The following FRMD6 variants were observed in gnomAD, a reference collection of about 807,000 sequenced individuals.
The protein encoded by FRMD6 is FERM domain containing 6.
FRMD6 carries 37 observed loss-of-function variants against 73.2 expected under a neutral mutation model. That is an observed-to-expected ratio of 0.51 (90% CI 0.39 to 0.66). The LOEUF (loss-of-function observed/expected upper bound fraction) is 0.66, where lower values mean the gene tolerates loss of function less well. FRMD6 is among the 30% of genes least tolerant of loss of function. FRMD6 has a pLI of 0.00. For synonymous variants in FRMD6, 273 were observed against 282.2 expected (o/e 0.97, Z 0.33); for missense variants, 714 against 780.5 (o/e 0.91, Z 1.02).
At chr14:51,694,549 G>A (rs1895816441) in intron 2 of FRMD6, among the ~76,000 whole-genome samples, 1 of 152,186 alleles carries the variant, frequency 6.6e-6, no homozygotes, top group East Asian at 1.9e-4. Context: ...AAATTAGCCA[G>A]GCATGGTGGC....
intron 1 of FRMD6, among the ~76,000 whole-genome samples, chr14:51,498,299 T>A (rs1883415999): frequency 6.6e-6 from 1 of 152,216 alleles, no homozygotes; most frequent in Admixed American, 6.5e-5. Flanking sequence ...GGGTTTCCCT[T>A]TTTCCAGACT....
the FRMD6 span, among the ~76,000 whole-genome samples, chr14:51,428,936 G>T: frequency 1.0e-5 from 1 of 96,182 alleles, no homozygotes; most frequent in East Asian, 3.7e-4. Context: ...GGGAGAGAGA[G>T]AGAAGGGGAG....
chr14:51,622,936 T>C (rs2139932898), intron 2 of FRMD6, among the ~76,000 whole-genome samples: 1 of 152,248 alleles, frequency 6.6e-6, no homozygotes, highest in South Asian at 2.1e-4. Flanking sequence ...CGGCTAATTT[T>C]TTAAAAGATT....
chr14:51,462,831 G>A, the FRMD6 span, among the ~76,000 whole-genome samples: 1 of 151,986 alleles, frequency 6.6e-6, no homozygotes, highest in Non-Finnish European at 1.5e-5. Flanking sequence ...AAAGGGAGAA[G>A]GGTGACTCAC....
chr14:51,540,695 A>G (rs1466195575), intron 1 of FRMD6, among the ~76,000 whole-genome samples: 5 of 133,638 alleles, frequency 3.7e-5, no homozygotes, highest in Non-Finnish European at 1.5e-5. Flanking sequence ...AGATACAAAT[A>G]TTTATAGTAC....
chr14:51,571,519 G>A (rs1463957499), intron 2 of FRMD6, among the ~76,000 whole-genome samples: 1 of 152,042 alleles, frequency 6.6e-6, no homozygotes, highest in African/African-American at 2.4e-5. Context: ...TGTAACCCTG[G>A]GAATCCCTGT....
chr14:51,505,646 A>T (rs1883918101), intron 1 of FRMD6, among the ~76,000 whole-genome samples: 1 of 152,144 alleles, frequency 6.6e-6, no homozygotes, highest in South Asian at 2.1e-4. Flanking sequence ...CTTTCAATAG[A>T]TCCATCTAAA....
intron 1 of FRMD6, among the ~76,000 whole-genome samples, chr14:51,550,789 G>A (rs1886780972): frequency 6.6e-6 from 1 of 152,156 alleles, no homozygotes; most frequent in Non-Finnish European, 1.5e-5. Flanking sequence ...GCGTGACAGG[G>A]AGTCAGCATT....
At chr14:51,559,635 A>C (rs1266764462) in intron 1 of FRMD6, among the ~76,000 whole-genome samples, 1 of 152,142 alleles carries the variant, frequency 6.6e-6, no homozygotes, top group African/African-American at 2.4e-5. Context: ...AGTTTCATAC[A>C]TTCTGCTTAT....
intron 2 of FRMD6, among the ~76,000 whole-genome samples, chr14:51,632,220 G>A (rs945095834): frequency 6.6e-6 from 1 of 152,170 alleles, no homozygotes; most frequent in East Asian, 1.9e-4. Flanking sequence ...GGCCTCCCCA[G>A]CCATGCTGAA....
the FRMD6 span, among the ~76,000 whole-genome samples, chr14:51,477,433 AT>A: frequency 1.3e-5 from 2 of 152,138 alleles, no homozygotes; most frequent in Non-Finnish European, 2.9e-5. Context: ...AAGAATTTTA[AT>A]TTGCAGCCCC....
intron 1 of FRMD6, among the ~76,000 whole-genome samples, chr14:51,540,167 T>C (rs1373107308): frequency 6.6e-6 from 1 of 151,966 alleles, no homozygotes; most frequent in Admixed American, 6.6e-5. Context: ...TTGAGGGTGA[T>C]AGGGAACCAA....
At chr14:51,726,848 G>A (rs1463240817) in intron 13 of FRMD6, among the ~76,000 whole-genome samples, 1 of 152,160 alleles carries the variant, frequency 6.6e-6, no homozygotes. Context: ...CATGCTTCTG[G>A]AACTTTTGCC....
At chr14:51,530,172 G>T (rs1885497119) in intron 1 of FRMD6, among the ~76,000 whole-genome samples, 1 of 152,128 alleles carries the variant, frequency 6.6e-6, no homozygotes, top group Admixed American at 6.5e-5. Context: ...ACTGCATTTT[G>T]CTATTACCTA....
At chr14:51,698,619 ACTTCT>A (rs908178294) in intron 3 of FRMD6, among the ~76,000 whole-genome samples, 3 of 152,086 alleles carry the variant, frequency 2.0e-5, no homozygotes, top group African/African-American at 4.8e-5. Flanking sequence ...CATTAAACTG[ACTTCT>A]CTTTTCAAGT....
intron 4 of FRMD6, among the ~76,000 whole-genome samples, chr14:51,702,297 G>A (rs1345384255): frequency 1.3e-5 from 2 of 151,944 alleles, no homozygotes; most frequent in Non-Finnish European, 2.9e-5. Context: ...GAAGGATGGT[G>A]CCCTGTTTCG....
At chr14:51,652,471 T>G (rs1229725087) in intron 1 of FRMD6, among the ~76,000 whole-genome samples, 1 of 152,114 alleles carries the variant, frequency 6.6e-6, no homozygotes, top group African/African-American at 2.4e-5. Context: ...TCGCTGTGGC[T>G]GGGCGCCGGG....
At chr14:51,483,159 T>C in the FRMD6 span, among the ~76,000 whole-genome samples, 4 of 152,244 alleles carry the variant, frequency 2.6e-5, no homozygotes, top group Admixed American at 1.3e-4. Context: ...TTTAAACCAT[T>C]ATCTTCAGAG....
chr14:51,594,799 C>G (rs1025298357), intron 2 of FRMD6, among the ~76,000 whole-genome samples: 10 of 152,190 alleles, frequency 6.6e-5, no homozygotes, highest in African/African-American at 9.7e-5. Context: ...ACCCCAGGGA[C>G]CCAACTCCCC....
Sources: allele counts gnomAD v4.1 joint callset (sites outside exome capture counted in the v4.1 genomes callset), GRCh38; gene constraint gnomAD v4.1.1; transcripts MANE v1.5; gene names NCBI Gene and HGNC (gene_info 2026-07-23, HGNC 2026-07-21).